Variants in PHOSPHO2 observed in about 807,000 individuals in gnomAD.
PHOSPHO2 encodes the protein phosphatase, orphan 2.
In PHOSPHO2, 14 loss-of-function variants were observed where a neutral mutation model predicts 16.4. The ratio of observed to expected loss-of-function variants is 0.85; its 90% CI spans 0.56 to 1.33. The LOEUF is 1.33. Among genes scored for constraint, PHOSPHO2 ranks in the 40% most tolerant of loss-of-function variants. The pLI is 0.00. For missense variants in PHOSPHO2, 246 were observed against 282.5 expected, an observed-to-expected ratio of 0.87 and a Z score of 0.93; for synonymous variants, 85 against 90.5, an observed-to-expected ratio of 0.94 and a Z score of 0.34.
intron 2 of PHOSPHO2, among the ~76,000 whole-genome samples, chr2:169,696,308 A>G (rs1396779248): frequency 6.6e-6 from 1 of 152,232 alleles, no homozygotes; most frequent in Non-Finnish European, 1.5e-5. Flanking sequence ...TCTGAGAAGA[A>G]AAAAATTTTA....
At chr2:169,695,796 T>A (rs781560030) in intron 2 of PHOSPHO2, among the ~76,000 whole-genome samples, 10 of 152,108 alleles carry the variant, frequency 6.6e-5, no homozygotes, top group South Asian at 2.1e-4. Context: ...TCGCCTGAGT[T>A]CCCTAAAGCC....
intron 3 of PHOSPHO2, among the ~76,000 whole-genome samples, chr2:169,700,117 A>C (rs1227445784): frequency 6.6e-6 from 1 of 152,212 alleles, no homozygotes; most frequent in Non-Finnish European, 1.5e-5. Context: ...ATAAATTGCA[A>C]AAATTTTCTC....
intron 3 of PHOSPHO2, among the ~76,000 whole-genome samples, chr2:169,699,286 T>C (rs1687662593): frequency 6.7e-6 from 1 of 148,928 alleles, no homozygotes; most frequent in Non-Finnish European, 1.5e-5. Flanking sequence ...CTTGTTGTTG[T>C]TCCTGTGTTA....
intron 3 of PHOSPHO2, among the ~76,000 whole-genome samples, chr2:169,699,744 C>T (rs778703079): frequency 2.6e-5 from 4 of 152,058 alleles, no homozygotes; most frequent in Non-Finnish European, 4.4e-5. Context: ...GATGGTATCT[C>T]GTTGTGGCTT....
chr2:169,695,937 A>C (rs185245434), intron 2 of PHOSPHO2, among the ~76,000 whole-genome samples: 29 of 152,300 alleles, frequency 1.9e-4, no homozygotes, highest in Admixed American at 1.1e-3. Flanking sequence ...CATGTTTCTC[A>C]AGGCTGTCCA....
chr2:169,695,347 G>C (rs934388474), intron 2 of PHOSPHO2, 100 bp downstream of exon 2: 1 of 152,142 alleles, frequency 6.6e-6, no homozygotes, highest in South Asian at 2.1e-4. Flanking sequence ...AAAGTGTCAA[G>C]AACTGGGGGC....
chr2:169,700,917 T>A, intron 3 of PHOSPHO2, 29 bp from the exon 4 acceptor site: 9 of 1,509,200 alleles, frequency 6.0e-6, no homozygotes, highest in Non-Finnish European at 7.9e-6. Context: ...ACAGAGTTTG[T>A]TTAGGGAATA....
intron 2 of PHOSPHO2, among the ~76,000 whole-genome samples, chr2:169,697,092 T>C (rs1687569339): frequency 6.6e-6 from 1 of 151,830 alleles, no homozygotes; most frequent in South Asian, 2.1e-4. Flanking sequence ...CTCGGCTCAC[T>C]GCAAGCTCCG....
rs575760131 is a variant in PHOSPHO2, at chr2:169,700,684, A to G, written c.-26-262A>G. 3.7e-4 allele frequency among the ~76,000 whole-genome samples: 56 copies of G among 152,196 alleles called. 1 individual carries two copies. Among genetic ancestry groups the G allele is most frequent in the Non-Finnish European group, 1.0e-4 (7 of 67,984 alleles). On this transcript the variant is annotated intron_variant, in intron 3 of 3. Transcript: ENST00000359744. ...AGAAATGCTTTTTTTTCTTTCTTATAAATTCTATAAGAAACACACCTCCAG... is the reference window on the plus strand; with the variant it reads ...AGAAATGCTTTTTTTTCTTTCTTATGAATTCTATAAGAAACACACCTCCAG...
In PHOSPHO2 at chr2:169,701,465, T is replaced by TA. The variant is rs1482863480; in HGVS notation, c.495dup (p.Gln166ThrfsTer14). On this transcript the variant is annotated frameshift_variant, in exon 4 of 4. Transcript: ENST00000359744. LOFTEE classifies it high-confidence loss of function. ...TTGATAGAATTTGTAGATAAACAGT[T>TA]ACAACAGGGAGTGAATTATACACAA... The TA allele has an allele frequency of 6.2e-7, 1 of 1,612,650 alleles. No homozygotes were observed. Among genetic ancestry groups the TA allele is most frequent in the Non-Finnish European group, 8.5e-7 (1 of 1,179,640 alleles).
At chr2:169,694,774 G>T in intron 1 of PHOSPHO2, 152 bp downstream of exon 1, 2 of 252,512 alleles carry the variant, frequency 7.9e-6, no homozygotes, top group South Asian at 1.0e-4. Flanking sequence ...GGCGTGGTGT[G>T]TGCGTCCGCA....
chr2:169,700,816 G>A (rs942524796), intron 3 of PHOSPHO2, 130 bp from the exon 4 acceptor site: 2 of 913,756 alleles, frequency 2.2e-6, no homozygotes, highest in Non-Finnish European at 3.1e-6. Context: ...TAGTGGTCTT[G>A]AAGTGCTTAA....
Position 169,701,329 on chromosome 2 carries a change from A to G in PHOSPHO2, c.358A>G (p.Lys120Glu). The part of the protein sequence containing the change: ...EAASFHDIFD[K>E]VFTNPAAFNS... ...TGCCAGTTTTCATGACATATTTGATAAAGTGTTTACAAATCCAGCAGCTTT... is the reference window on the plus strand; with the variant it reads ...TGCCAGTTTTCATGACATATTTGATGAAGTGTTTACAAATCCAGCAGCTTT... The change falls in exon 4 of 4, where the codon AAA (lysine) becomes GAA (glutamate). Residue 120 changes from lysine to glutamate, a missense_variant. Coordinates refer to ENST00000359744, the MANE Select transcript of PHOSPHO2 (RefSeq NM_001008489.4). 5.0e-6 allele frequency: 8 copies of G among 1,612,994 alleles called. No individual in the cohort carries two copies. The highest frequency in any genetic ancestry group is 5.9e-6 in the Non-Finnish European group (7 of 1,179,632).
intron 1 of PHOSPHO2, chr2:169,694,876 C>G (rs1463028697): frequency 5.6e-6 from 1 of 179,678 alleles, no homozygotes; most frequent in African/African-American, 2.4e-5. Context: ...TTTTTTAATC[C>G]TTTGGTTTCT....
At chr2:169,696,496 T>C (rs1256325682) in intron 2 of PHOSPHO2, among the ~76,000 whole-genome samples, 1 of 152,250 alleles carries the variant, frequency 6.6e-6, no homozygotes, top group Non-Finnish European at 1.5e-5. Flanking sequence ...ATTCTGTTAT[T>C]TGCTATCACA....
intron 3 of PHOSPHO2, among the ~76,000 whole-genome samples, chr2:169,699,219 C>T (rs530942819): frequency 1.9e-4 from 29 of 150,704 alleles, no homozygotes; most frequent in Non-Finnish European, 3.5e-4. Flanking sequence ...TTCCCTTCCA[C>T]GTGTTCTCAT....
rs76102705 is a variant in PHOSPHO2, at chr2:169,694,539, A to C, written c.-314A>C. On this transcript the variant is annotated 5_prime_UTR_variant, in exon 1 of 4. Coordinates refer to ENST00000359744, the MANE Select transcript of PHOSPHO2 (RefSeq NM_001008489.4). ...GCTGGGCTTGTGAGTGGGGCTGCCG[A>C]GAGGGCAGGCGTGGGGCGAGGCCAA... The C allele has an allele frequency of 1.6e-6, 1 of 621,332 alleles. No individual in the cohort carries two copies. Among genetic ancestry groups the C allele is most frequent in the East Asian group, 2.7e-5 (1 of 36,378 alleles). 38.5% of individuals were successfully genotyped at this position (621,332 alleles called of 1,614,324 possible).
At chr2:169,699,337 T>C (rs977814840) in intron 3 of PHOSPHO2, among the ~76,000 whole-genome samples, 12 of 152,218 alleles carry the variant, frequency 7.9e-5, no homozygotes, top group Non-Finnish European at 1.0e-4. Context: ...TCCATGTCCC[T>C]GTAAAGGACA....
In PHOSPHO2 at chr2:169,694,599, G is replaced by A. The variant is rs1687436123; in HGVS notation, c.-254G>A. On this transcript the variant is annotated 5_prime_UTR_variant, in exon 1 of 4. Coordinates refer to ENST00000359744, the MANE Select transcript of PHOSPHO2 (RefSeq NM_001008489.4). ...CCCGCAGGAGCGTCACGGGCGCCGG[G>A]GCGGCTGCCGACGGCGGGACTGGGT... is the stretch of plus-strand genomic sequence containing the variant. 5.4e-6 allele frequency: 3 copies of A among 552,352 alleles called. No homozygotes were observed. The highest frequency in any genetic ancestry group is 3.1e-5 in the Admixed American group (1 of 32,424). 34.2% of individuals were successfully genotyped at this position (552,352 alleles called of 1,614,324 possible).
Sources: allele counts gnomAD v4.1 joint callset (sites outside exome capture counted in the v4.1 genomes callset), GRCh38; gene constraint gnomAD v4.1.1; transcripts MANE v1.5; gene names NCBI Gene and HGNC (gene_info 2026-07-23, HGNC 2026-07-21).